The following KCNMB2 variants were observed in gnomAD, a reference collection of about 807,000 sequenced individuals.
KCNMB2 encodes potassium calcium-activated channel subfamily M regulatory beta subunit 2.
A neutral mutation model predicts 24.5 loss-of-function variants in KCNMB2; 9 were observed. The ratio of observed to expected loss-of-function variants is 0.37; its 90% CI spans 0.22 to 0.64. KCNMB2 has a LOEUF of 0.64. Among genes scored for constraint, KCNMB2 ranks in the 30% least tolerant of loss-of-function variants. KCNMB2 has a pLI of 0.63. For synonymous variants in KCNMB2, 109 were observed against 104.4 expected, an observed-to-expected ratio of 1.04 and a Z score of -0.27; for missense variants, 226 against 284.3, an observed-to-expected ratio of 0.79 and a Z score of 1.47.
At position 178,568,051 on chromosome 3, in the gene KCNMB2, G is replaced by A. The variant is rs538803275; in HGVS notation, c.-68+31340G>A. On this transcript the variant is annotated intron_variant, in intron 1 of 4. Transcript: ENST00000452583. ...AAAACATAGAAATGTGTGATTAAAG[G>A]TCCCTTTCAAATATTTTAATGTTAT... Among the ~76,000 whole-genome samples, 10 of 152,174 alleles carry A rather than the reference G, an allele frequency of 6.6e-5. No homozygotes were observed. In the South Asian group the frequency reaches 2.1e-3, roughly 32 times the overall value.
At chr3:178,542,028 C>T (rs540572143) in intron 1 of KCNMB2, among the ~76,000 whole-genome samples, 1 of 152,230 alleles carries the variant, frequency 6.6e-6, no homozygotes, top group South Asian at 2.1e-4. Flanking sequence ...TAACCCCACC[C>T]AATAGGGGAA....
rs774354252 is a variant in KCNMB2, at chr3:178,689,497, G to T, written c.-67-117846G>T. On this transcript the variant is annotated intron_variant, in intron 1 of 4. Transcript: ENST00000452583. ...AAAAATACAAAAAAGTTAGCTGGGC[G>T]TGGTGGTGGGCGCCTGTAGACCCAG... Among the ~76,000 whole-genome samples the T allele has an allele frequency of 2.6e-5, 4 of 152,182 alleles. No homozygotes were observed. The East Asian group carries it at 7.7e-4, about 29-fold the overall frequency.
At chr3:178,782,240 A>G (rs1357107539) in intron 1 of KCNMB2, among the ~76,000 whole-genome samples, 11 of 118,574 alleles carry the variant, frequency 9.3e-5, no homozygotes, top group Admixed American at 7.3e-4. Flanking sequence ...GAATAATGCC[A>G]CAATAAACAT....
intron 1 of KCNMB2, among the ~76,000 whole-genome samples, chr3:178,573,620 A>G (rs1389431294): frequency 6.6e-6 from 1 of 150,908 alleles, no homozygotes; most frequent in Admixed American, 6.6e-5. Context: ...GTGGTGGTGC[A>G]TGCCTCAACT....
intron 1 of KCNMB2, among the ~76,000 whole-genome samples, chr3:178,598,308 A>C (rs1207715376): frequency 6.6e-6 from 1 of 152,166 alleles, no homozygotes. Context: ...CTGCGATGCA[A>C]ATTATAGACA....
intron 1 of KCNMB2, among the ~76,000 whole-genome samples, chr3:178,568,901 T>TA (rs71181236): frequency 1.0e-4 from 11 of 108,984 alleles, no homozygotes; most frequent in African/African-American, 1.9e-4. Flanking sequence ...GATAGATAGA[T>TA]GGATAGATAG....
intron 1 of KCNMB2, among the ~76,000 whole-genome samples, chr3:178,772,962 G>A (rs1476146366): frequency 1.3e-5 from 2 of 152,104 alleles, no homozygotes; most frequent in Non-Finnish European, 2.9e-5. Context: ...ATTTGCCTCT[G>A]TCTCTTCAAA....
At chr3:178,665,906 C>T (rs2108575991) in intron 1 of KCNMB2, among the ~76,000 whole-genome samples, 1 of 152,296 alleles carries the variant, frequency 6.6e-6, no homozygotes, top group Admixed American at 6.5e-5. Context: ...CAGCACAAAT[C>T]CTGCCAAGTG....
chr3:178,705,660 G>A (rs1246043792), intron 1 of KCNMB2, among the ~76,000 whole-genome samples: 2 of 152,114 alleles, frequency 1.3e-5, no homozygotes, highest in African/African-American at 4.8e-5. Context: ...CTTAAAAAAA[G>A]AATGCTTTTT....
Position 178,695,277 on chromosome 3 carries a change from C to CT in KCNMB2, c.-67-112060dup, listed in dbSNP as rs112281007. Among the ~76,000 whole-genome samples, 11 of 151,738 alleles carry CT rather than the reference C, an allele frequency of 7.2e-5. No homozygotes were observed. The South Asian group carries it at 2.3e-3, about 32-fold the overall frequency. ...GGGCCCTGGACTCAGCTCAGGAAAC[C>CT]TTTTTTCCCTCCTTGGCCTCCAGGC... On this transcript the variant is annotated intron_variant, in intron 1 of 4. Transcript: ENST00000452583.
At chr3:178,782,639 T>G (rs1312080549) in intron 1 of KCNMB2, among the ~76,000 whole-genome samples, 2 of 148,080 alleles carry the variant, frequency 1.4e-5, no homozygotes, top group Non-Finnish European at 3.0e-5. Context: ...GATGGGGTTG[T>G]TTGTTTTTTT....
chr3:178,822,022 G>T (rs962557617), intron 2 of KCNMB2, among the ~76,000 whole-genome samples: 1 of 152,038 alleles, frequency 6.6e-6, no homozygotes, highest in African/African-American at 2.4e-5. Context: ...AAACTCAATC[G>T]TGTCACCCTC....
chr3:178,771,322 C>T (rs570693978), intron 1 of KCNMB2, among the ~76,000 whole-genome samples: 1 of 152,130 alleles, frequency 6.6e-6, no homozygotes, highest in South Asian at 2.1e-4. Context: ...CAGAAGGACT[C>T]CATTAAAAGT....
intron 1 of KCNMB2, among the ~76,000 whole-genome samples, chr3:178,709,934 A>G (rs1471144327): frequency 6.6e-6 from 1 of 152,160 alleles, no homozygotes; most frequent in African/African-American, 2.4e-5. Context: ...TGCAAAATAT[A>G]GTTAGGGTCC....
rs931363987 is a variant in KCNMB2 at position 178,587,815 on chromosome 3, A to G, written c.-68+51104A>G. Among the ~76,000 whole-genome samples the G allele has an allele frequency of 3.3e-5, 5 of 150,976 alleles. No individual in the cohort carries two copies. In the South Asian group the frequency reaches 6.3e-4, roughly 19 times the overall value. On this transcript the variant is annotated intron_variant, in intron 1 of 4. Coordinates refer to ENST00000452583, the MANE Select transcript of KCNMB2 (RefSeq NM_181361.3). Reference sequence around the variant, plus strand: ...AGGTTTGTTACATATGTATACATGTACCATGTTGGTGTGCTGCACCCATTA... The same window carrying G: ...AGGTTTGTTACATATGTATACATGTGCCATGTTGGTGTGCTGCACCCATTA...
At chr3:178,666,259 G>C (rs755090394) in intron 1 of KCNMB2, among the ~76,000 whole-genome samples, 2 of 152,084 alleles carry the variant, frequency 1.3e-5, no homozygotes, top group Non-Finnish European at 2.9e-5. Flanking sequence ...GATAGATGAA[G>C]ACAATGCAAT....
chr3:178,573,288 C>T (rs112378819), intron 1 of KCNMB2, among the ~76,000 whole-genome samples: 2 of 152,254 alleles, frequency 1.3e-5, no homozygotes, highest in African/African-American at 4.8e-5. Flanking sequence ...GGATTACAGG[C>T]ATGAGCCACC....
At chr3:178,619,980 C>T (rs1003314557) in intron 1 of KCNMB2, among the ~76,000 whole-genome samples, 7 of 152,170 alleles carry the variant, frequency 4.6e-5, no homozygotes, top group Admixed American at 1.3e-4. Context: ...ACTTACTGAG[C>T]ATCTACTATG....
intron 1 of KCNMB2, among the ~76,000 whole-genome samples, chr3:178,666,222 T>C (rs1372117591): frequency 1.3e-5 from 2 of 152,132 alleles, no homozygotes; most frequent in Non-Finnish European, 2.9e-5. Context: ...TCAACACTAC[T>C]TACATTTGCA....
Sources: allele counts gnomAD v4.1 joint callset (sites outside exome capture counted in the v4.1 genomes callset), GRCh38; gene constraint gnomAD v4.1.1; transcripts MANE v1.5; gene names NCBI Gene and HGNC (gene_info 2026-07-23, HGNC 2026-07-21).